Variants in EXOC6B observed in about 807,000 individuals in gnomAD.
EXOC6B encodes exocyst complex component 6B.
A neutral mutation model predicts 113.5 loss-of-function variants in EXOC6B; 54 were observed. The observed-to-expected ratio is 0.48, with a 90% CI of 0.38 to 0.60. The LOEUF is 0.60. EXOC6B is among the 20% of genes least tolerant of loss of function. The pLI, the probability that EXOC6B is intolerant of heterozygous loss-of-function variation, is 0.00. For missense variants in EXOC6B, 797 were observed against 977.5 expected, an observed-to-expected ratio of 0.82 and a Z score of 2.46; for synonymous variants, 357 against 339.0, an observed-to-expected ratio of 1.05 and a Z score of -0.58.
Position 72,826,005 on chromosome 2 carries a change from C to T in EXOC6B, c.-95G>A. On this transcript the variant is annotated 5_prime_UTR_variant, in exon 1 of 22. Coordinates refer to ENST00000272427, the MANE Select transcript of EXOC6B (RefSeq NM_015189.3). ...GCTCCCACCACAGGCTCCACAGCCG[C>T]CCCAGCCTCTGGCTACCCGCAGGCC... 1.3e-6 allele frequency: 2 copies of T among 1,512,976 alleles called. No individual in the cohort carries two copies. The highest frequency in any genetic ancestry group is 8.9e-7 in the Non-Finnish European group (1 of 1,128,552). The allele number at this position is 1,512,976 out of a possible 1,614,324, so 93.7% of individuals were successfully genotyped here.
At chr2:72,686,406 G>C (rs1558917670) in intron 6 of EXOC6B, among the ~76,000 whole-genome samples, 2 of 152,306 alleles carry the variant, frequency 1.3e-5, no homozygotes, top group East Asian at 1.9e-4. Context: ...TAGAGAAAGA[G>C]AGAGATACTC....
At chr2:72,241,597 T>C (rs1682314727) in intron 20 of EXOC6B, among the ~76,000 whole-genome samples, 1 of 151,958 alleles carries the variant, frequency 6.6e-6, no homozygotes, top group Non-Finnish European at 1.5e-5. Context: ...AAAAAAATCT[T>C]AAAAGAAGTT....
At chr2:72,525,851 A>G (rs1701723965) in intron 8 of EXOC6B, among the ~76,000 whole-genome samples, 1 of 152,158 alleles carries the variant, frequency 6.6e-6, no homozygotes. Context: ...AAACCAAATT[A>G]TTTGCCCAGA....
chr2:72,739,824 T>G (rs1382602615), intron 2 of EXOC6B, among the ~76,000 whole-genome samples: 3 of 152,172 alleles, frequency 2.0e-5, no homozygotes, highest in Non-Finnish European at 4.4e-5. Context: ...TTGAGAGATT[T>G]AATTATGATG....
At chr2:72,777,442 A>C (rs1683773293) in intron 1 of EXOC6B, among the ~76,000 whole-genome samples, 1 of 152,036 alleles carries the variant, frequency 6.6e-6, no homozygotes, top group Non-Finnish European at 1.5e-5. Context: ...AAAGGAAAAA[A>C]ACATTGAGCA....
intron 1 of EXOC6B, among the ~76,000 whole-genome samples, chr2:72,818,295 C>T (rs1412631577): frequency 6.6e-6 from 1 of 151,648 alleles, no homozygotes; most frequent in African/African-American, 2.4e-5. Context: ...CAGGTGCCTG[C>T]CACCAGGCCC....
chr2:72,686,183 G>A (rs1383031976), intron 6 of EXOC6B, among the ~76,000 whole-genome samples: 2 of 152,166 alleles, frequency 1.3e-5, no homozygotes, highest in Admixed American at 6.6e-5. Context: ...GCTTAGCCAA[G>A]AGTTTTTCTT....
In EXOC6B at chr2:72,508,163, CAAAAA is replaced by C. The variant is rs67586747; in HGVS notation, c.1167+4964_1167+4968del. On this transcript the variant is annotated intron_variant, in intron 11 of 21. Coordinates refer to ENST00000272427, the MANE Select transcript of EXOC6B (RefSeq NM_015189.3). ...AAAACCTTCCACAAAATATTACCCG[CAAAAA>C]AAAAAAAAAAAAAAAAACACCTAAA... 3.3e-3 allele frequency among the ~76,000 whole-genome samples: 190 copies of C among 57,530 alleles called. 1 individual carries two copies. The highest frequency in any genetic ancestry group is 0.023 in the African/African-American group (174 of 7,686). 37.7% of individuals were successfully genotyped at this position (57,530 alleles called of 152,430 possible). A position where few individuals can be genotyped will look rare whatever the true frequency, so the allele number is the denominator to read the frequency against.
At chr2:72,350,547 T>C (rs1006271495) in intron 19 of EXOC6B, among the ~76,000 whole-genome samples, 1 of 152,192 alleles carries the variant, frequency 6.6e-6, no homozygotes, top group Non-Finnish European at 1.5e-5. Context: ...AGAGCTCAGT[T>C]TGATGTGGTG....
chr2:72,532,074 A>G (rs192004200), intron 8 of EXOC6B, among the ~76,000 whole-genome samples: 1 of 152,238 alleles, frequency 6.6e-6, no homozygotes. Context: ...ATGTTCTTCA[A>G]TATTTATAAA....
At chr2:72,382,026 G>A (rs181216557) in intron 18 of EXOC6B, among the ~76,000 whole-genome samples, 52 of 151,950 alleles carry the variant, frequency 3.4e-4, no homozygotes, top group Admixed American at 1.2e-3. Flanking sequence ...TTTTCTGATG[G>A]GCCACACTCT....
chr2:72,388,385 T>C (rs1447477920), intron 18 of EXOC6B, among the ~76,000 whole-genome samples: 1 of 152,194 alleles, frequency 6.6e-6, no homozygotes, highest in Non-Finnish European at 1.5e-5. Flanking sequence ...GATTTCTAAT[T>C]TAATTGTGTT....
chr2:72,501,040 A>G (rs1359077487), intron 11 of EXOC6B, among the ~76,000 whole-genome samples: 2 of 152,204 alleles, frequency 1.3e-5, no homozygotes, highest in Non-Finnish European at 2.9e-5. Flanking sequence ...CTTGTAGAAT[A>G]CCACCACTTC....
intron 6 of EXOC6B, among the ~76,000 whole-genome samples, chr2:72,680,755 A>G (rs1422295518): frequency 6.6e-6 from 1 of 151,940 alleles, no homozygotes; most frequent in African/African-American, 2.4e-5. Context: ...AAAAAGAAAA[A>G]AAAGGAGCAC....
intron 5 of EXOC6B, among the ~76,000 whole-genome samples, chr2:72,730,656 A>C (rs1412096007): frequency 6.6e-6 from 1 of 151,606 alleles, no homozygotes; most frequent in Non-Finnish European, 1.5e-5. Context: ...AACCCCAGTT[A>C]ATGTACTCTT....
intron 1 of EXOC6B, among the ~76,000 whole-genome samples, chr2:72,743,075 TA>T (rs2104821217): frequency 6.6e-6 from 1 of 152,330 alleles, no homozygotes; most frequent in African/African-American, 2.4e-5. Flanking sequence ...GAATGACTCC[TA>T]ATCTATCTCC....
intron 18 of EXOC6B, among the ~76,000 whole-genome samples, chr2:72,400,300 T>G (rs1693053278): frequency 6.6e-6 from 1 of 152,110 alleles, no homozygotes; most frequent in Non-Finnish European, 1.5e-5. Flanking sequence ...ATTAAAGACC[T>G]AAATGCAAGA....
chr2:72,627,497 T>A lies in EXOC6B; in HGVS notation c.670-51829A>T, dbSNP rs80267342. 2.6e-4 allele frequency among the ~76,000 whole-genome samples: 40 copies of A among 152,270 alleles called. No homozygotes were observed. The East Asian group carries it at 6.9e-3, about 26-fold the overall frequency. Reference sequence around the variant, plus strand: ...ATAAATCATTCCTGTGATAGGTAAGTTTTTTGGATACAGTTAGTTTCAAGT... The same window carrying A: ...ATAAATCATTCCTGTGATAGGTAAGATTTTTGGATACAGTTAGTTTCAAGT... On this transcript the variant is annotated intron_variant, in intron 6 of 21. Transcript: ENST00000272427.
intron 6 of EXOC6B, among the ~76,000 whole-genome samples, chr2:72,615,805 G>C (rs1037779539): frequency 6.6e-6 from 1 of 152,026 alleles, no homozygotes; most frequent in Non-Finnish European, 1.5e-5. Flanking sequence ...TCCTTCAGGA[G>C]GTATTCCAGA....
Sources: gnomAD v4.1 joint callset for allele counts (sites outside exome capture counted in the v4.1 genomes callset) on GRCh38, gnomAD v4.1.1 for gene constraint, MANE v1.5 for transcripts, NCBI Gene and HGNC (gene_info 2026-07-23, HGNC 2026-07-21) for gene names.